The following SLC39A11 variants were observed in gnomAD, a reference collection of about 807,000 sequenced individuals.
SLC39A11 encodes the protein zinc transporter ZIP11.
In SLC39A11, 33 loss-of-function variants were observed where a neutral mutation model predicts 36.1. That is an observed-to-expected ratio of 0.91 (90% confidence interval 0.69 to 1.22). The LOEUF (loss-of-function observed/expected upper bound fraction) is 1.22. SLC39A11 is among the 50% of genes most tolerant of loss of function. The pLI is 0.00. For synonymous variants in SLC39A11, 166 were observed against 170.3 expected (o/e 0.97, Z 0.20); for missense variants, 432 against 430.3 (o/e 1.00, Z -0.03).
chr17:72,648,330 TAAAA>T (rs10715471), intron 9 of SLC39A11, among the ~76,000 whole-genome samples: 18 of 126,060 alleles, frequency 1.4e-4, no homozygotes, highest in Admixed American at 2.4e-4. Context: ...ACTCTGCCAT[TAAAA>T]AAAAAAAAAA....
At chr17:73,010,925 C>G (rs971728976) in intron 4 of SLC39A11, among the ~76,000 whole-genome samples, 1 of 152,236 alleles carries the variant, frequency 6.6e-6, no homozygotes, top group Non-Finnish European at 1.5e-5. Context: ...ATGATCTCCT[C>G]TGATCTTCAC....
chr17:72,717,663 T>C (rs1218367909), intron 7 of SLC39A11, among the ~76,000 whole-genome samples: 1 of 152,260 alleles, frequency 6.6e-6, no homozygotes, highest in African/African-American at 2.4e-5. Context: ...CAGTACGAGC[T>C]GATCTTAACT....
chr17:72,653,542 C>T lies in SLC39A11; in HGVS notation c.672-4274G>A, dbSNP rs574784019. Among the ~76,000 whole-genome samples the T allele has an allele frequency of 3.3e-5, 5 of 151,652 alleles. No individual in the cohort carries two copies. The East Asian group carries it at 7.7e-4, about 24-fold the overall frequency. The stretch of plus-strand genomic sequence containing the variant: ...GCAACCTCCGCCTCATGGGTTCAAG[C>T]GATTCTCCTGCCTCAGCCTCCCCAG... On this transcript the variant is annotated intron_variant, in intron 7 of 9. Coordinates refer to ENST00000255559, the MANE Select transcript of SLC39A11 (RefSeq NM_139177.4).
At chr17:72,761,269 C>T (rs2075568244) in intron 6 of SLC39A11, among the ~76,000 whole-genome samples, 1 of 152,120 alleles carries the variant, frequency 6.6e-6, no homozygotes, top group African/African-American at 2.4e-5. Context: ...CACCCGCCAC[C>T]ACGCCTGGCT....
intron 4 of SLC39A11, among the ~76,000 whole-genome samples, chr17:72,993,944 G>A (rs529403660): frequency 6.6e-6 from 1 of 152,130 alleles, no homozygotes; most frequent in Non-Finnish European, 1.5e-5. Context: ...GGACCTAGTG[G>A]GAGGTAATTG....
At chr17:72,786,149 A>C (rs983034024) in intron 6 of SLC39A11, among the ~76,000 whole-genome samples, 1 of 152,202 alleles carries the variant, frequency 6.6e-6, no homozygotes, top group African/African-American at 2.4e-5. Context: ...AATTGACTGC[A>C]TGGGAAACCA....
At chr17:72,807,864 C>T (rs1350106962) in intron 6 of SLC39A11, among the ~76,000 whole-genome samples, 1 of 152,168 alleles carries the variant, frequency 6.6e-6, no homozygotes, top group South Asian at 2.1e-4. Flanking sequence ...AACCCCTGAT[C>T]TACAGCCAGA....
intron 3 of SLC39A11, among the ~76,000 whole-genome samples, chr17:73,033,937 G>A (rs1219493833): frequency 6.6e-6 from 1 of 152,126 alleles, no homozygotes; most frequent in Non-Finnish European, 1.5e-5. Flanking sequence ...AAAAGTCTTA[G>A]TGCCACCCAT....
chr17:72,897,552 A>G (rs1320471279), intron 5 of SLC39A11, among the ~76,000 whole-genome samples: 1 of 152,164 alleles, frequency 6.6e-6, no homozygotes, highest in African/African-American at 2.4e-5. Flanking sequence ...CAGAGAGGCA[A>G]CGGGTTTAGG....
chr17:73,081,668 CACATATAT>C (rs2060523007), intron 3 of SLC39A11, among the ~76,000 whole-genome samples: 5 of 64,984 alleles, frequency 7.7e-5, no homozygotes, highest in South Asian at 5.3e-4. Context: ...CACACACACA[CACATATAT>C]ATACACATAT....
chr17:73,091,001 T>C (rs970825084), intron 1 of SLC39A11, among the ~76,000 whole-genome samples: 2 of 152,168 alleles, frequency 1.3e-5, no homozygotes, highest in African/African-American at 2.4e-5. Flanking sequence ...GCAGCACTGG[T>C]CCGGCTTGGG....
At chr17:72,914,416 A>G (rs1183858334) in intron 5 of SLC39A11, among the ~76,000 whole-genome samples, 1 of 152,232 alleles carries the variant, frequency 6.6e-6, no homozygotes, top group Non-Finnish European at 1.5e-5. Context: ...GTGATATAGT[A>G]TTAGGTATGA....
rs186468629 is a variant in SLC39A11 at position 72,934,277 on chromosome 17, C to T, written c.430+13475G>A. ...ATTAAAAACTTTCGATCTCCAAAGG[C>T]ACTGTTAAGAAGAGGGAAAGGCAAG... On this transcript the variant is annotated intron_variant, in intron 5 of 9. Coordinates refer to ENST00000255559, the MANE Select transcript of SLC39A11 (RefSeq NM_139177.4). Among the ~76,000 whole-genome samples the T allele has an allele frequency of 1.3e-3, 195 of 152,240 alleles. 1 individual carries two copies. The highest frequency in any genetic ancestry group is 2.3e-3 in the Non-Finnish European group (157 of 68,028).
At chr17:72,916,300 A>G (rs186457336) in intron 5 of SLC39A11, among the ~76,000 whole-genome samples, 1 of 152,286 alleles carries the variant, frequency 6.6e-6, no homozygotes, top group East Asian at 1.9e-4. Context: ...TTAAACCACT[A>G]TTTGATCACC....
rs371336877 is a variant in SLC39A11 at position 72,840,656 on chromosome 17, G to T, written c.601+8978C>A. On this transcript the variant is annotated intron_variant, in intron 6 of 9. Transcript: ENST00000255559. Reference sequence around the variant, plus strand: ...TGCCTGTAATCCCAGCTACTCAGGAGGCTGAGGCAGGAGAAGCTTGAACCT... The same window carrying T: ...TGCCTGTAATCCCAGCTACTCAGGATGCTGAGGCAGGAGAAGCTTGAACCT... Among the ~76,000 whole-genome samples the T allele has an allele frequency of 1.1e-4, 16 of 152,300 alleles. No homozygotes were observed. In the East Asian group the frequency reaches 3.1e-3, roughly 29 times the overall value.
chr17:73,074,578 T>C (rs1166670290), intron 3 of SLC39A11, among the ~76,000 whole-genome samples: 3 of 152,248 alleles, frequency 2.0e-5, no homozygotes, highest in East Asian at 3.9e-4. Context: ...ATTACAGGTG[T>C]GAGCCACCGT....
At chr17:72,853,507 T>C (rs2079481870) in intron 5 of SLC39A11, among the ~76,000 whole-genome samples, 1 of 151,940 alleles carries the variant, frequency 6.6e-6, no homozygotes, top group Middle Eastern at 3.2e-3. Context: ...GCAACAGACC[T>C]CGGACGCACC....
At chr17:72,952,040 T>C (rs1046043997) in intron 4 of SLC39A11, among the ~76,000 whole-genome samples, 2 of 152,056 alleles carry the variant, frequency 1.3e-5, no homozygotes, top group African/African-American at 4.8e-5. Context: ...AGATCCGTTA[T>C]CTCCACCTGT....
At position 72,720,600 on chromosome 17, in the gene SLC39A11, T is replaced by C. The variant is rs2073621342; in HGVS notation, c.671+16050A>G. On this transcript the variant is annotated intron_variant, in intron 7 of 9. Coordinates refer to ENST00000255559, the MANE Select transcript of SLC39A11 (RefSeq NM_139177.4). ...ATCTAGCTGTAGGATGTGTCATGGG[T>C]GTGCCAGGAAGCAAGAGCAGTAGCT... 2.0e-5 allele frequency among the ~76,000 whole-genome samples: 3 copies of C among 152,084 alleles called. No homozygotes were observed. The South Asian group carries it at 6.2e-4, about 32-fold the overall frequency.
Sources: allele counts gnomAD v4.1 joint callset (sites outside exome capture counted in the v4.1 genomes callset), GRCh38; gene constraint gnomAD v4.1.1; transcripts MANE v1.5; gene names NCBI Gene and HGNC (gene_info 2026-07-23, HGNC 2026-07-21).